Variants in CMIP observed in about 807,000 individuals in gnomAD.
CMIP encodes c-Maf inducing protein.
Under a neutral mutation model 97.3 loss-of-function variants are expected in CMIP, and 13 were observed. That is an observed-to-expected ratio of 0.13 (90% CI 0.09 to 0.21). The LOEUF (loss-of-function observed/expected upper bound fraction) is 0.21, where lower values mean the gene tolerates loss of function less well. CMIP is among the 10% of genes least tolerant of loss of function. The pLI is 1.00. For missense variants in CMIP, 847 were observed against 1,024.9 expected, an observed-to-expected ratio of 0.83 and a Z score of 2.37; for synonymous variants, 538 against 436.3, an observed-to-expected ratio of 1.23 and a Z score of -2.91.
chr16:81,669,792 C>T (rs960036638), intron 7 of CMIP, among the ~76,000 whole-genome samples: 2 of 152,172 alleles, frequency 1.3e-5, no homozygotes, highest in Non-Finnish European at 2.9e-5. Flanking sequence ...TCCTTCCACA[C>T]TCCACATTCC....
At chr16:81,641,750 C>T (rs1597183506) in intron 3 of CMIP, among the ~76,000 whole-genome samples, 1 of 152,356 alleles carries the variant, frequency 6.6e-6, no homozygotes, top group South Asian at 2.1e-4. Flanking sequence ...CAGGTGTCCA[C>T]TGGGCACCCA....
At chr16:81,599,875 C>G (rs2091628086) in intron 1 of CMIP, among the ~76,000 whole-genome samples, 1 of 152,140 alleles carries the variant, frequency 6.6e-6, no homozygotes, top group Non-Finnish European at 1.5e-5. Flanking sequence ...GTGCTGGCCA[C>G]ATGGTAACTG....
chr16:81,500,097 C>T (rs1019974391), intron 1 of CMIP, among the ~76,000 whole-genome samples: 3 of 152,212 alleles, frequency 2.0e-5, no homozygotes, highest in Admixed American at 2.0e-4. Flanking sequence ...CTCCTCTTTC[C>T]CTCCCTCACT....
intron 1 of CMIP, among the ~76,000 whole-genome samples, chr16:81,554,960 C>A (rs1050641133): frequency 2.0e-5 from 3 of 152,194 alleles, no homozygotes; most frequent in Non-Finnish European, 2.9e-5. Context: ...GGATGCCCCC[C>A]AGAAGGGGGG....
intron 9 of CMIP, among the ~76,000 whole-genome samples, chr16:81,675,191 AGT>A (rs971249556): frequency 7.9e-5 from 12 of 151,992 alleles, no homozygotes; most frequent in Non-Finnish European, 1.3e-4. Flanking sequence ...CATTCGTCAC[AGT>A]GTTTTTGTTT....
At chr16:81,580,844 CG>C (rs2091284711) in intron 1 of CMIP, among the ~76,000 whole-genome samples, 1 of 152,062 alleles carries the variant, frequency 6.6e-6, no homozygotes, top group Non-Finnish European at 1.5e-5. Context: ...AGCAAATTCG[CG>C]ATGTTGTGTA....
intron 1 of CMIP, among the ~76,000 whole-genome samples, chr16:81,527,787 G>A (rs1317786459): frequency 6.6e-6 from 1 of 152,168 alleles, no homozygotes; most frequent in Non-Finnish European, 1.5e-5. Flanking sequence ...ATTTATTTTT[G>A]TTGCTGGATC....
intron 1 of CMIP, among the ~76,000 whole-genome samples, chr16:81,490,754 A>G (rs1327862075): frequency 1.3e-5 from 2 of 152,088 alleles, no homozygotes; most frequent in African/African-American, 2.4e-5. Context: ...GTGAAACTTT[A>G]AGGAGGGTGA....
intron 1 of CMIP, among the ~76,000 whole-genome samples, chr16:81,522,747 T>G (rs1019128939): frequency 6.6e-6 from 1 of 152,284 alleles, no homozygotes; most frequent in East Asian, 1.9e-4. Flanking sequence ...TGCCTTTTTT[T>G]TAAGTGAAAG....
chr16:81,506,501 A>G (rs934798825), intron 1 of CMIP, among the ~76,000 whole-genome samples: 10 of 152,266 alleles, frequency 6.6e-5, no homozygotes, highest in African/African-American at 2.2e-4. Flanking sequence ...TGGAAATAAC[A>G]TTGGAAAATG....
intron 10 of CMIP, among the ~76,000 whole-genome samples, chr16:81,687,983 G>A (rs1402183036): frequency 2.6e-5 from 4 of 152,322 alleles, no homozygotes; most frequent in South Asian, 4.1e-4. Flanking sequence ...TCCCATGAGC[G>A]AACACAAGCA....
intron 5 of CMIP, among the ~76,000 whole-genome samples, chr16:81,660,403 G>T (rs1322802947): frequency 6.6e-6 from 1 of 151,874 alleles, no homozygotes; most frequent in Admixed American, 6.6e-5. Context: ...CTCCCGAGTA[G>T]CTGGGATTAC....
intron 1 of CMIP, among the ~76,000 whole-genome samples, chr16:81,589,782 C>G (rs2091439177): frequency 6.6e-6 from 1 of 152,282 alleles, no homozygotes; most frequent in Non-Finnish European, 1.5e-5. Flanking sequence ...GTAGCCTTCT[C>G]TCTGTCCCTT....
chr16:81,582,288 C>A (rs2091309226), intron 1 of CMIP, among the ~76,000 whole-genome samples: 1 of 152,116 alleles, frequency 6.6e-6, no homozygotes, highest in Non-Finnish European at 1.5e-5. Context: ...CCCAGTGCCT[C>A]CAGGAACCCC....
chr16:81,613,923 T>A, intron 2 of CMIP, among the ~76,000 whole-genome samples: 1 of 152,172 alleles, frequency 6.6e-6, no homozygotes, highest in East Asian at 1.9e-4. Flanking sequence ...TAACAAACAT[T>A]TCTCCGGGTT....
At chr16:81,512,279 A>C (rs947352853) in intron 1 of CMIP, among the ~76,000 whole-genome samples, 11 of 152,134 alleles carry the variant, frequency 7.2e-5, no homozygotes, top group Admixed American at 3.3e-4. Flanking sequence ...GCCTCACTCC[A>C]GGGTCCCTCA....
At chr16:81,651,373 G>A (rs1041030769) in intron 3 of CMIP, 6 of 964,674 alleles carry the variant, frequency 6.2e-6, no homozygotes, top group African/African-American at 1.8e-5. Context: ...AATCCAGGGA[G>A]GCAGCAGCCC....
At chr16:81,582,513 G>A (rs2091312787) in intron 1 of CMIP, among the ~76,000 whole-genome samples, 1 of 152,164 alleles carries the variant, frequency 6.6e-6, no homozygotes, top group Non-Finnish European at 1.5e-5. Flanking sequence ...TCAGTTGTAA[G>A]GACCTCTGAG....
intron 3 of CMIP, among the ~76,000 whole-genome samples, chr16:81,644,384 T>G (rs12934546): frequency 0.34 from 52,275 of 152,116 alleles, 10,939 homozygotes; most frequent in Non-Finnish European, 0.46. Flanking sequence ...GGGGCTGTGT[T>G]TGACCCAGGG....
Sources: gnomAD v4.1 joint callset for allele counts (sites outside exome capture counted in the v4.1 genomes callset) on GRCh38, gnomAD v4.1.1 for gene constraint, MANE v1.5 for transcripts, NCBI Gene and HGNC (gene_info 2026-07-23, HGNC 2026-07-21) for gene names.